CEP170: variants seen among roughly 807,000 people sequenced by gnomAD.
CEP170 encodes the protein centrosomal protein 170.
A neutral mutation model predicts 151.9 loss-of-function variants in CEP170; 21 were observed. The observed-to-expected ratio is 0.14, with a 90% CI of 0.10 to 0.20. CEP170 has a LOEUF of 0.20. CEP170 is among the 10% of genes least tolerant of loss of function. CEP170 has a pLI of 1.00. For missense variants in CEP170, 964 were observed against 1,892.9 expected, an observed-to-expected ratio of 0.51 and a Z score of 9.11; for synonymous variants, 356 against 648.8, an observed-to-expected ratio of 0.55 and a Z score of 6.86.
intron 17 of CEP170, among the ~76,000 whole-genome samples, chr1:243,132,462 C>T (rs988057348): frequency 1.4e-4 from 21 of 152,208 alleles, no homozygotes; most frequent in Non-Finnish European, 2.5e-4. Context: ...GTTTTATCCT[C>T]ATTACCTTCC....
intron 12 of CEP170, among the ~76,000 whole-genome samples, chr1:243,168,035 T>A (rs925610228): frequency 6.6e-6 from 1 of 152,006 alleles, no homozygotes; most frequent in Admixed American, 6.5e-5. Context: ...AGGGTAGAAC[T>A]TTGCTTTTCA....
chr1:243,180,823 T>C (rs1175024271), intron 10 of CEP170, among the ~76,000 whole-genome samples: 4 of 152,194 alleles, frequency 2.6e-5, no homozygotes, highest in Non-Finnish European at 5.9e-5. Flanking sequence ...CTCCTGGCTC[T>C]AGATTCTTCC....
At chr1:243,176,312 G>C (rs1482854172) in intron 10 of CEP170, among the ~76,000 whole-genome samples, 1 of 152,170 alleles carries the variant, frequency 6.6e-6, no homozygotes, top group Non-Finnish European at 1.5e-5. Flanking sequence ...TTCTTCCAGA[G>C]TAGGATCAAA....
At chr1:243,215,934 C>A (rs978094975) in intron 3 of CEP170, among the ~76,000 whole-genome samples, 3 of 151,716 alleles carry the variant, frequency 2.0e-5, no homozygotes, top group African/African-American at 7.3e-5. Context: ...TTTCTCAGAC[C>A]AGCTGACACT....
At chr1:243,194,873 A>G (rs2060540335) in intron 7 of CEP170, among the ~76,000 whole-genome samples, 1 of 151,994 alleles carries the variant, frequency 6.6e-6, no homozygotes, top group South Asian at 2.1e-4. Flanking sequence ...ATGATTGATT[A>G]TGCCATAATT....
chr1:243,207,585 C>T (rs938470093), intron 4 of CEP170, among the ~76,000 whole-genome samples: 7 of 151,770 alleles, frequency 4.6e-5, no homozygotes, highest in African/African-American at 9.7e-5. Context: ...GAACGCATAT[C>T]CTTTTTAGGT....
chr1:243,159,803 T>TGTGTGTGTGTGTGTGTGTG (rs1558452605), intron 13 of CEP170, among the ~76,000 whole-genome samples: 5 of 51,758 alleles, frequency 9.7e-5, no homozygotes, highest in African/African-American at 2.9e-4. Flanking sequence ...GTGTGTGTGT[T>TGTGTGTGTGTGTGTGTGTG]TTTGAGATGG....
chr1:243,178,861 G>A (rs2059429113), intron 10 of CEP170, among the ~76,000 whole-genome samples: 1 of 152,082 alleles, frequency 6.6e-6, no homozygotes, highest in African/African-American at 2.4e-5. Flanking sequence ...TGGGATTGCA[G>A]GCTCATGCCC....
intron 6 of CEP170, among the ~76,000 whole-genome samples, chr1:243,199,845 A>G (rs181453347): frequency 6.6e-6 from 1 of 152,208 alleles, no homozygotes; most frequent in East Asian, 1.9e-4. Context: ...ATATGGTGAT[A>G]CAGCCACATT....
At chr1:243,205,981 AAAAG>A (rs555321724) in intron 4 of CEP170, among the ~76,000 whole-genome samples, 2 of 152,118 alleles carry the variant, frequency 1.3e-5, no homozygotes, top group Admixed American at 6.5e-5. Context: ...GAAGGAAGAA[AAAAG>A]AAAGAAGAAG....
chr1:243,178,460 G>C (rs1412968861), intron 10 of CEP170, among the ~76,000 whole-genome samples: 2 of 151,498 alleles, frequency 1.3e-5, no homozygotes, highest in African/African-American at 4.9e-5. Context: ...TCTAGAATAA[G>C]CAAATCCATA....
intron 3 of CEP170, among the ~76,000 whole-genome samples, chr1:243,212,294 C>T (rs2061879441): frequency 6.6e-6 from 1 of 152,104 alleles, no homozygotes; most frequent in African/African-American, 2.4e-5. Flanking sequence ...TGTTAATATA[C>T]CATCAGGGTT....
At chr1:243,231,074 G>A (rs1184172726) in intron 1 of CEP170, among the ~76,000 whole-genome samples, 3 of 146,870 alleles carry the variant, frequency 2.0e-5, no homozygotes, top group Admixed American at 7.1e-5. Context: ...CTAGAAAGCA[G>A]TGGGATAGCA....
chr1:243,171,004 T>G (rs2058803524), intron 11 of CEP170, among the ~76,000 whole-genome samples: 1 of 152,318 alleles, frequency 6.6e-6, no homozygotes, highest in Non-Finnish European at 1.5e-5. Context: ...AAAACCATTC[T>G]GTGAAGAGTG....
Position 243,175,746 on chromosome 1 carries a change from T to C in CEP170, c.1567-2900A>G, listed in dbSNP as rs183934796. On this transcript the variant is annotated intron_variant, in intron 10 of 19. Coordinates refer to ENST00000366542, the MANE Select transcript of CEP170 (RefSeq NM_014812.3). ...AAGGCTTCACTTCAATTACCAACTATCTAGACTGTTGCTTACTGTCATCCC... is the reference window on the plus strand; with the variant it reads ...AAGGCTTCACTTCAATTACCAACTACCTAGACTGTTGCTTACTGTCATCCC... Among the ~76,000 whole-genome samples, 580 of 152,280 alleles carry C rather than the reference T, an allele frequency of 3.8e-3. 7 individuals are homozygous for C. The highest frequency in any genetic ancestry group is 0.013 in the African/African-American group (558 of 41,558).
chr1:243,203,253 T>A (rs2061180421), intron 4 of CEP170, among the ~76,000 whole-genome samples: 1 of 152,148 alleles, frequency 6.6e-6, no homozygotes. Flanking sequence ...ACGCATGATA[T>A]CAGTAAGTTA....
Position 243,191,311 on chromosome 1 carries a change from A to C in CEP170, c.815T>G (p.Ile272Arg). 1 of 1,613,276 alleles carries C rather than the reference A, an allele frequency of 6.2e-7. No homozygotes were observed. The highest frequency in any genetic ancestry group is 8.5e-7 in the Non-Finnish European group (1 of 1,179,624). Reference sequence around the variant, plus strand: ...AAATGAAGCATGCCCTGCACCTGTTATATGGGAACTTGGCGTGTCTTTTGT... The same window carrying C: ...AAATGAAGCATGCCCTGCACCTGTTCTATGGGAACTTGGCGTGTCTTTTGT... ...IPTKDTPSSHITGAGHASFTI... is the reference protein window; with the variant it reads ...IPTKDTPSSHRTGAGHASFTI... Residue 272 changes from isoleucine to arginine, a missense_variant, in exon 8 of 20, where the codon ATA becomes AGA. Transcript: ENST00000366542.
At chr1:243,129,570 C>T (rs1326584235) in intron 17 of CEP170, 117 bp from the exon 18 acceptor site, 16 of 868,756 alleles carry the variant, frequency 1.8e-5, no homozygotes, top group Non-Finnish European at 2.4e-5. Flanking sequence ...AAAAAACCAA[C>T]CACCGCATAA....
chr1:243,155,049 GT>G (rs2057426482), intron 14 of CEP170, among the ~76,000 whole-genome samples: 1 of 152,152 alleles, frequency 6.6e-6, no homozygotes, highest in African/African-American at 2.4e-5. Flanking sequence ...CAAGCATTTT[GT>G]TGGCCCATAA....
Sources: gnomAD v4.1 joint callset for allele counts (sites outside exome capture counted in the v4.1 genomes callset) on GRCh38, gnomAD v4.1.1 for gene constraint, MANE v1.5 for transcripts, NCBI Gene and HGNC (gene_info 2026-07-23, HGNC 2026-07-21) for gene names.